Variants in CTNNA3 observed in about 807,000 individuals in gnomAD.
CTNNA3 encodes the protein catenin alpha 3, also known as catenin alpha-3.
Under a neutral mutation model 95.7 loss-of-function variants are expected in CTNNA3, and 76 were observed. The ratio of observed to expected loss-of-function variants is 0.79; its 90% CI spans 0.66 to 0.96. The LOEUF is 0.96. CTNNA3 is among the 40% of genes least tolerant of loss of function. The pLI is 0.00. For synonymous variants in CTNNA3, 431 were observed against 374.4 expected, an observed-to-expected ratio of 1.15 and a Z score of -1.74; for missense variants, 1,191 against 1,089.8, an observed-to-expected ratio of 1.09 and a Z score of -1.31.
intron 5 of CTNNA3, among the ~76,000 whole-genome samples, chr10:67,304,834 CTG>C (rs2132507869): frequency 1.3e-5 from 2 of 152,072 alleles, no homozygotes; most frequent in South Asian, 4.2e-4. Flanking sequence ...ACTCTAGACT[CTG>C]TGATCAGAGA....
chr10:67,739,094 C>T (rs983605319), intron 1 of CTNNA3, among the ~76,000 whole-genome samples: 2 of 152,040 alleles, frequency 1.3e-5, no homozygotes, highest in African/African-American at 4.8e-5. Context: ...ACACAGAATG[C>T]CACAAAGATA....
chr10:67,678,407 T>A (rs576015492), intron 1 of CTNNA3, among the ~76,000 whole-genome samples: 1 of 152,294 alleles, frequency 6.6e-6, no homozygotes, highest in South Asian at 2.1e-4. Context: ...AAAATCTGAA[T>A]CATTCCTCTC....
chr10:67,068,771 G>A (rs1309810811), intron 7 of CTNNA3, among the ~76,000 whole-genome samples: 1 of 152,148 alleles, frequency 6.6e-6, no homozygotes, highest in East Asian at 1.9e-4. Context: ...GAAGTGGTAT[G>A]AGTTTGGACC....
At chr10:66,182,092 A>T (rs2086068842) in intron 13 of CTNNA3, among the ~76,000 whole-genome samples, 1 of 152,190 alleles carries the variant, frequency 6.6e-6, no homozygotes, top group East Asian at 1.9e-4. Context: ...CAGGCCAAAT[A>T]ATAAAACAAT....
At chr10:66,585,325 A>T (rs1318967164) in intron 10 of CTNNA3, among the ~76,000 whole-genome samples, 6 of 151,930 alleles carry the variant, frequency 3.9e-5, no homozygotes, top group Admixed American at 3.9e-4. Context: ...AATATCTACA[A>T]TTCTTATGTT....
At chr10:67,064,461 A>C (rs1855952030) in intron 7 of CTNNA3, among the ~76,000 whole-genome samples, 1 of 152,204 alleles carries the variant, frequency 6.6e-6, no homozygotes, top group Non-Finnish European at 1.5e-5. Context: ...TTATAAAAAG[A>C]ATTAAAGGAT....
At chr10:67,151,043 A>G (rs1189643210) in intron 7 of CTNNA3, among the ~76,000 whole-genome samples, 5 of 152,210 alleles carry the variant, frequency 3.3e-5, no homozygotes, top group African/African-American at 1.2e-4. Flanking sequence ...ACAGATGGCT[A>G]ATTCCCAAGG....
At chr10:67,346,278 G>A (rs992589075) in intron 5 of CTNNA3, among the ~76,000 whole-genome samples, 52 of 152,172 alleles carry the variant, frequency 3.4e-4, no homozygotes, top group African/African-American at 1.2e-3. Flanking sequence ...CAATTACAGT[G>A]TTATAATATT....
chr10:67,473,193 T>G (rs900001025), intron 5 of CTNNA3, among the ~76,000 whole-genome samples: 1 of 152,214 alleles, frequency 6.6e-6, no homozygotes, highest in Non-Finnish European at 1.5e-5. Context: ...CTGGCTAAGA[T>G]CATCCTTTTC....
intron 10 of CTNNA3, among the ~76,000 whole-genome samples, chr10:66,577,494 A>C (rs1444766262): frequency 1.3e-5 from 2 of 151,988 alleles, no homozygotes; most frequent in Non-Finnish European, 2.9e-5. Flanking sequence ...TCTTGAGTTA[A>C]TTTGGGTATA....
intron 7 of CTNNA3, among the ~76,000 whole-genome samples, chr10:66,910,312 T>C (rs1020032833): frequency 6.6e-6 from 1 of 152,198 alleles, no homozygotes; most frequent in African/African-American, 2.4e-5. Context: ...TTAAGCCAGA[T>C]GGTAAATAAT....
intron 7 of CTNNA3, among the ~76,000 whole-genome samples, chr10:66,941,034 C>G (rs1309874394): frequency 6.6e-6 from 1 of 152,080 alleles, no homozygotes; most frequent in African/African-American, 2.4e-5. Context: ...AAAAAGAAAG[C>G]CCAACATACT....
intron 9 of CTNNA3, among the ~76,000 whole-genome samples, chr10:66,687,507 C>A (rs927538727): frequency 1.3e-5 from 2 of 151,956 alleles, no homozygotes; most frequent in East Asian, 3.9e-4. Context: ...CTAATATATA[C>A]CTTATACTAC....
chr10:66,146,495 A>G (rs1445634404), intron 13 of CTNNA3, among the ~76,000 whole-genome samples: 1 of 152,158 alleles, frequency 6.6e-6, no homozygotes, highest in African/African-American at 2.4e-5. Flanking sequence ...GCATAAAGAC[A>G]ATTACAGACA....
intron 11 of CTNNA3, among the ~76,000 whole-genome samples, chr10:66,480,619 T>A (rs1191383749): frequency 6.6e-6 from 1 of 151,210 alleles, no homozygotes; most frequent in South Asian, 2.1e-4. Flanking sequence ...TTATTTTTTT[T>A]TTTGAGACAA....
chr10:66,762,312 T>G (rs1271144064), intron 9 of CTNNA3, among the ~76,000 whole-genome samples: 2 of 152,088 alleles, frequency 1.3e-5, no homozygotes, highest in African/African-American at 4.8e-5. Context: ...AGATGACTTT[T>G]AAAATACTCC....
At chr10:66,648,929 A>G (rs1845800852) in intron 9 of CTNNA3, among the ~76,000 whole-genome samples, 1 of 152,200 alleles carries the variant, frequency 6.6e-6, no homozygotes, top group Non-Finnish European at 1.5e-5. Flanking sequence ...AAGGCAAAGA[A>G]ATAGATAAGC....
intron 7 of CTNNA3, among the ~76,000 whole-genome samples, chr10:66,903,381 A>G (rs920120840): frequency 9.2e-5 from 14 of 152,214 alleles, no homozygotes; most frequent in Non-Finnish European, 1.5e-4. Context: ...TGTATCTCAG[A>G]ATAATAGGAG....
chr10:67,055,978 A>G (rs1855403268), intron 7 of CTNNA3, among the ~76,000 whole-genome samples: 1 of 152,144 alleles, frequency 6.6e-6, no homozygotes, highest in African/African-American at 2.4e-5. Flanking sequence ...TGAGCATAAT[A>G]CTGTACTCTT....
Sources: gnomAD v4.1 joint callset for allele counts (sites outside exome capture counted in the v4.1 genomes callset) on GRCh38, gnomAD v4.1.1 for gene constraint, MANE v1.5 for transcripts, NCBI Gene and HGNC (gene_info 2026-07-23, HGNC 2026-07-21) for gene names.